The following ITPR2 variants were observed in gnomAD, a reference collection of about 807,000 sequenced individuals.
ITPR2 encodes the protein inositol 1,4,5-trisphosphate receptor type 2.
Under a neutral mutation model 317.1 loss-of-function variants are expected in ITPR2, and 207 were observed. The ratio of observed to expected loss-of-function variants is 0.65; its 90% CI spans 0.58 to 0.73. The LOEUF (loss-of-function observed/expected upper bound fraction) is 0.73. ITPR2 is among the 30% of genes least tolerant of loss of function. The pLI is 0.00. For missense variants in ITPR2, 2,613 were observed against 3,284.0 expected, an observed-to-expected ratio of 0.80 and a Z score of 4.99; for synonymous variants, 1,156 against 1,149.1, an observed-to-expected ratio of 1.01 and a Z score of -0.12.
rs1951147854 is a variant in ITPR2 at position 26,833,161 on chromosome 12, C to T, written c.-380G>A. On this transcript the variant is annotated 5_prime_UTR_variant, in exon 1 of 57. Coordinates refer to ENST00000381340, the MANE Select transcript of ITPR2 (RefSeq NM_002223.4). ...CGTGTCCACTCCCTGCTCTGCGACC[C>T]GCTGCGGCCGTCACAGCCGCCCGGC... 5 of 217,994 alleles carry T rather than the reference C, an allele frequency of 2.3e-5. No homozygotes were observed. In the South Asian group the frequency reaches 3.3e-4, roughly 14 times the overall value. The allele number at this position is 217,994 out of a possible 1,614,324, so 13.5% of individuals were successfully genotyped here. A position where few individuals can be genotyped will look rare whatever the true frequency, so the allele number is the denominator to read the frequency against.
chr12:26,666,162 A>ATAGATAGATATAGATAGATAGATAGAT (rs34107444), intron 13 of ITPR2, 111 bp from the exon 14 acceptor site: 1 of 391,176 alleles, frequency 2.6e-6, no homozygotes. Flanking sequence ...AGATAGATAG[A>ATAGATAGATATAGATAGATAGATAGAT]TTTTTTTTTA....
At chr12:26,509,063 G>T (rs1390670803) in intron 37 of ITPR2, among the ~76,000 whole-genome samples, 1 of 152,184 alleles carries the variant, frequency 6.6e-6, no homozygotes, top group African/African-American at 2.4e-5. Flanking sequence ...AATAAAATGG[G>T]ACTGAAGTGC....
chr12:26,481,745 T>A (rs546659716), intron 42 of ITPR2, among the ~76,000 whole-genome samples: 29 of 152,240 alleles, frequency 1.9e-4, no homozygotes, highest in Admixed American at 3.9e-4. Flanking sequence ...GAGATGCTGC[T>A]GTCCAAGCCA....
chr12:26,712,391 T>C (rs1465302365), intron 8 of ITPR2, among the ~76,000 whole-genome samples: 1 of 152,182 alleles, frequency 6.6e-6, no homozygotes, highest in African/African-American at 2.4e-5. Context: ...TGTCTTCCCA[T>C]ACTCTCATAA....
intron 1 of ITPR2, among the ~76,000 whole-genome samples, chr12:26,821,895 A>C (rs1407853426): frequency 6.6e-6 from 1 of 152,186 alleles, no homozygotes; most frequent in Admixed American, 6.5e-5. Flanking sequence ...CAAATAATAC[A>C]CTTTGATTTG....
At chr12:26,368,039 T>C (rs1203678441) in intron 55 of ITPR2, among the ~76,000 whole-genome samples, 1 of 150,776 alleles carries the variant, frequency 6.6e-6, no homozygotes, top group African/African-American at 2.5e-5. Context: ...TTCTGCAAAG[T>C]AGTTTATTTG....
intron 2 of ITPR2, among the ~76,000 whole-genome samples, chr12:26,775,479 C>T (rs1250933706): frequency 1.3e-5 from 2 of 152,162 alleles, no homozygotes; most frequent in South Asian, 2.1e-4. Flanking sequence ...AATGAAAAAG[C>T]ATCAGGAGTT....
rs1565624375 is a variant in ITPR2, at chr12:26,589,847, TATATATACACAC to T, written c.4380+5606_4380+5617del. 4.7e-3 allele frequency among the ~76,000 whole-genome samples: 169 copies of T among 36,068 alleles called. 3 individuals are homozygous for T. Among genetic ancestry groups the T allele is most frequent in the African/African-American group, 0.015 (151 of 10,004 alleles). The allele number at this position is 36,068 out of a possible 152,430, so 23.7% of individuals were successfully genotyped here. Reference sequence around the variant, plus strand: ...AAATAAATAAACATATATATATATATATATATACACACACACACACACACACACACACACACA... The same window carrying T: ...AAATAAATAAACATATATATATATATACACACACACACACACACACACACA... On this transcript the variant is annotated intron_variant, in intron 32 of 56. Transcript: ENST00000381340.
intron 37 of ITPR2, among the ~76,000 whole-genome samples, chr12:26,498,062 A>G (rs761490349): frequency 1.1e-4 from 17 of 152,180 alleles, no homozygotes; most frequent in Non-Finnish European, 2.5e-4. Context: ...ATAGACACTC[A>G]GAGTGTCTGG....
rs151268734 is a variant in ITPR2 at position 26,438,548 on chromosome 12, T to C, written c.6643+579A>G. The stretch of plus-strand genomic sequence containing the variant: ...AATTTTAAAAGTCAGTGTTTCCTAA[T>C]AGACGTGGGACCTAAGAGATAGGTC... On this transcript the variant is annotated intron_variant, in intron 47 of 56. Transcript: ENST00000381340. Among the ~76,000 whole-genome samples the C allele has an allele frequency of 1.7e-3, 256 of 152,332 alleles. 1 individual carries two copies. The highest frequency in any genetic ancestry group is 5.7e-3 in the African/African-American group (236 of 41,578).
At chr12:26,385,033 G>A (rs964425918) in intron 55 of ITPR2, among the ~76,000 whole-genome samples, 1 of 152,140 alleles carries the variant, frequency 6.6e-6, no homozygotes, top group African/African-American at 2.4e-5. Flanking sequence ...CACTCTATGA[G>A]GCACTTTCTA....
At chr12:26,675,070 G>A (rs1212460536) in intron 13 of ITPR2, among the ~76,000 whole-genome samples, 2 of 151,894 alleles carry the variant, frequency 1.3e-5, no homozygotes, top group African/African-American at 4.8e-5. Flanking sequence ...AGGATGTGGA[G>A]AAATAGGAAC....
chr12:26,644,782 A>G (rs1266283959), intron 21 of ITPR2, among the ~76,000 whole-genome samples: 1 of 152,178 alleles, frequency 6.6e-6, no homozygotes, highest in African/African-American at 2.4e-5. Flanking sequence ...AGGTGAGGAC[A>G]CAGCCAAACC....
intron 2 of ITPR2, among the ~76,000 whole-genome samples, chr12:26,784,319 GCCTCTCCCTCT>G (rs1950159079): frequency 3.2e-5 from 1 of 31,720 alleles, no homozygotes; most frequent in African/African-American, 1.5e-4. Flanking sequence ...CTCTCCCTCT[GCCTCTCCCTCT>G]CCCTCTCCCT....
At chr12:26,801,465 A>G (rs1950554857) in intron 1 of ITPR2, among the ~76,000 whole-genome samples, 1 of 152,220 alleles carries the variant, frequency 6.6e-6, no homozygotes, top group Admixed American at 6.5e-5. Context: ...TATGATTGGC[A>G]TTATGCCTGG....
At chr12:26,741,783 T>C (rs1295679249) in intron 2 of ITPR2, among the ~76,000 whole-genome samples, 1 of 152,168 alleles carries the variant, frequency 6.6e-6, no homozygotes, top group African/African-American at 2.4e-5. Context: ...CAGAAACCCA[T>C]AGTAATCACT....
At chr12:26,733,175 G>A (rs998494634) in intron 2 of ITPR2, among the ~76,000 whole-genome samples, 2 of 151,844 alleles carry the variant, frequency 1.3e-5, no homozygotes, top group African/African-American at 2.4e-5. Flanking sequence ...TTAGCCAGGC[G>A]CAGTGGCGTG....
At chr12:26,657,389 C>T (rs1476219313) in intron 18 of ITPR2, among the ~76,000 whole-genome samples, 1 of 152,184 alleles carries the variant, frequency 6.6e-6, no homozygotes, top group African/African-American at 2.4e-5. Context: ...GTCTATATCC[C>T]TCTCAACTCC....
chr12:26,751,306 AC>A (rs1359398387), intron 2 of ITPR2, among the ~76,000 whole-genome samples: 2 of 152,176 alleles, frequency 1.3e-5, no homozygotes, highest in Non-Finnish European at 2.9e-5. Flanking sequence ...TTACCTAATA[AC>A]AAACCTACAC....
Sources: allele counts gnomAD v4.1 joint callset (sites outside exome capture counted in the v4.1 genomes callset), GRCh38; gene constraint gnomAD v4.1.1; transcripts MANE v1.5; gene names NCBI Gene and HGNC (gene_info 2026-07-23, HGNC 2026-07-21).